LINGO2: variants seen among roughly 807,000 people sequenced by gnomAD.
LINGO2 encodes leucine rich repeat and Ig domain containing 2.
LINGO2 carries 14 observed loss-of-function variants against 30.6 expected under a neutral mutation model. The ratio of observed to expected loss-of-function variants is 0.46; its 90% confidence interval spans 0.30 to 0.72. The LOEUF is 0.72. Among genes scored for constraint, LINGO2 ranks in the 30% least tolerant of loss-of-function variants. The pLI, the probability that LINGO2 is intolerant of heterozygous loss-of-function variation, is 0.07. For synonymous variants in LINGO2, 317 were observed against 288.5 expected (o/e 1.10, Z -1.00); for missense variants, 729 against 751.7 (o/e 0.97, Z 0.35).
intron 1 of LINGO2, among the ~76,000 whole-genome samples, chr9:28,614,829 T>G (rs1318791344): frequency 6.6e-6 from 1 of 152,130 alleles, no homozygotes; most frequent in South Asian, 2.1e-4. Context: ...AATGTTACAG[T>G]CAGGGTTTTA....
the LINGO2 span, among the ~76,000 whole-genome samples, chr9:29,095,747 G>T: frequency 7.2e-6 from 1 of 138,648 alleles, no homozygotes; most frequent in East Asian, 2.5e-4. Flanking sequence ...ACAAATCATG[G>T]GGATTCTGTT....
intron 1 of LINGO2, among the ~76,000 whole-genome samples, chr9:28,589,394 A>G (rs1824746976): frequency 6.6e-6 from 1 of 152,166 alleles, no homozygotes; most frequent in Non-Finnish European, 1.5e-5. Context: ...TTGTATATGT[A>G]GAAAACCCAA....
At chr9:28,902,311 T>A in the LINGO2 span, among the ~76,000 whole-genome samples, 1 of 152,186 alleles carries the variant, frequency 6.6e-6, no homozygotes, top group Non-Finnish European at 1.5e-5. Context: ...AAGGTCCTTA[T>A]TAGTGATCAA....
At chr9:28,725,584 G>C in the LINGO2 span, among the ~76,000 whole-genome samples, 2 of 141,066 alleles carry the variant, frequency 1.4e-5, no homozygotes, top group Admixed American at 1.4e-4. Context: ...AAAAAAAAAA[G>C]AAAATGGCCT....
At chr9:29,138,984 G>A in the LINGO2 span, among the ~76,000 whole-genome samples, 25 of 152,084 alleles carry the variant, frequency 1.6e-4, no homozygotes, top group Non-Finnish European at 2.8e-4. Context: ...TATTACTTCC[G>A]GGATTAAGTT....
At chr9:29,139,248 C>A in the LINGO2 span, among the ~76,000 whole-genome samples, 58 of 152,184 alleles carry the variant, frequency 3.8e-4, 1 homozygote, top group East Asian at 0.011. Flanking sequence ...ATGTCTGAAG[C>A]CCTAGCCTAA....
At chr9:27,987,874 G>A (rs755861058) in intron 5 of LINGO2, among the ~76,000 whole-genome samples, 13 of 151,692 alleles carry the variant, frequency 8.6e-5, no homozygotes, top group African/African-American at 1.9e-4. Flanking sequence ...CCTTTTATAC[G>A]TTAAGTTCTA....
At chr9:29,031,316 T>G in the LINGO2 span, among the ~76,000 whole-genome samples, 1 of 152,082 alleles carries the variant, frequency 6.6e-6, no homozygotes, top group Non-Finnish European at 1.5e-5. Flanking sequence ...TGATTCTCTC[T>G]CTGTCGCCCA....
chr9:28,041,934 A>C (rs772442393), intron 4 of LINGO2, among the ~76,000 whole-genome samples: 1 of 152,206 alleles, frequency 6.6e-6, no homozygotes, highest in African/African-American at 2.4e-5. Flanking sequence ...AGTAGAAATA[A>C]AACAGGTGTT....
chr9:28,513,701 G>C (rs1820506435), intron 1 of LINGO2, among the ~76,000 whole-genome samples: 1 of 152,074 alleles, frequency 6.6e-6, no homozygotes, highest in East Asian at 1.9e-4. Flanking sequence ...TAACATAGTA[G>C]TCTATTTTTC....
chr9:28,835,500 C>G, the LINGO2 span, among the ~76,000 whole-genome samples: 1 of 152,110 alleles, frequency 6.6e-6, no homozygotes, highest in South Asian at 2.1e-4. Context: ...AATTTTCCTT[C>G]CAGAACAACA....
chr9:29,061,252 T>G, the LINGO2 span, among the ~76,000 whole-genome samples: 1 of 151,952 alleles, frequency 6.6e-6, no homozygotes, highest in Non-Finnish European at 1.5e-5. Context: ...AAAACAAAAC[T>G]ATAGGATCAA....
At chr9:29,089,207 A>G in the LINGO2 span, among the ~76,000 whole-genome samples, 3 of 151,582 alleles carry the variant, frequency 2.0e-5, no homozygotes, top group East Asian at 5.8e-4. Context: ...TATTTTTAAT[A>G]TATCATCAAC....
At chr9:28,057,205 T>C (rs1399846204) in intron 4 of LINGO2, among the ~76,000 whole-genome samples, 2 of 152,122 alleles carry the variant, frequency 1.3e-5, no homozygotes, top group African/African-American at 4.8e-5. Context: ...TTTTCTGAGG[T>C]ATTCCAACTG....
chr9:28,143,838 A>G (rs1827740660), intron 4 of LINGO2, among the ~76,000 whole-genome samples: 2 of 152,156 alleles, frequency 1.3e-5, no homozygotes, highest in Admixed American at 6.6e-5. Flanking sequence ...TCAAGTCTCA[A>G]GAAATATTTT....
chr9:28,616,030 AGAGT>A (rs1826117543), intron 1 of LINGO2, among the ~76,000 whole-genome samples: 1 of 152,162 alleles, frequency 6.6e-6, no homozygotes. Flanking sequence ...ATTGGGAGGC[AGAGT>A]GAGTGAGGCT....
chr9:27,954,748 A>G (rs748473244), intron 5 of LINGO2, among the ~76,000 whole-genome samples: 1 of 152,148 alleles, frequency 6.6e-6, no homozygotes, highest in Non-Finnish European at 1.5e-5. Context: ...AAAGAGGTTT[A>G]ATGGACTTAC....
intron 5 of LINGO2, among the ~76,000 whole-genome samples, chr9:27,985,940 C>A (rs7041158): frequency 6.6e-6 from 1 of 151,694 alleles, no homozygotes; most frequent in South Asian, 2.1e-4. Flanking sequence ...TCAATTTCCT[C>A]TCCAACCCAA....
the LINGO2 span, among the ~76,000 whole-genome samples, chr9:29,039,286 T>A: frequency 6.6e-6 from 1 of 151,738 alleles, no homozygotes; most frequent in Non-Finnish European, 1.5e-5. Context: ...TTGTTTTAGA[T>A]CTCTAATAAG....
Sources: gnomAD v4.1 joint callset for allele counts (sites outside exome capture counted in the v4.1 genomes callset) on GRCh38, gnomAD v4.1.1 for gene constraint, MANE v1.5 for transcripts, NCBI Gene and HGNC (gene_info 2026-07-23, HGNC 2026-07-21) for gene names.